GRID2: variants seen among roughly 807,000 people sequenced by gnomAD.
The protein encoded by GRID2 is glutamate ionotropic receptor delta type subunit 2, also known as glutamate receptor ionotropic, delta-2.
In GRID2, 33 loss-of-function variants were observed where a neutral mutation model predicts 114.8. The observed-to-expected ratio is 0.29, with a 90% CI of 0.22 to 0.38. The LOEUF (loss-of-function observed/expected upper bound fraction) is 0.38, where lower values mean the gene tolerates loss of function less well. Among genes scored for constraint, GRID2 ranks in the 10% least tolerant of loss-of-function variants. GRID2 has a pLI of 1.00. For missense variants in GRID2, 1,184 were observed against 1,257.7 expected (o/e 0.94, Z 0.89); for synonymous variants, 505 against 449.9 (o/e 1.12, Z -1.55).
chr4:93,681,688 C>T lies in GRID2; in HGVS notation c.2360+55253C>T, dbSNP rs1002175678. The stretch of plus-strand genomic sequence containing the variant: ...AAAACAACCAATGGGGAAAGGATTC[C>T]CTATTTAATAAGTGGTGCTGGGAAA... On this transcript the variant is annotated intron_variant, in intron 14 of 15. Transcript: ENST00000282020. 6.6e-5 allele frequency among the ~76,000 whole-genome samples: 10 copies of T among 152,138 alleles called. No homozygotes were observed. The East Asian group carries it at 9.6e-4, about 15-fold the overall frequency.
intron 9 of GRID2, among the ~76,000 whole-genome samples, chr4:93,403,794 C>A (rs1163341715): frequency 6.6e-6 from 1 of 152,002 alleles, no homozygotes; most frequent in Non-Finnish European, 1.5e-5. Flanking sequence ...TAAAATGGTA[C>A]GACTCCTTCA....
At chr4:93,725,230 G>A (rs182926264) in intron 14 of GRID2, among the ~76,000 whole-genome samples, 75 of 152,186 alleles carry the variant, frequency 4.9e-4, no homozygotes, top group Non-Finnish European at 8.2e-4. Context: ...GAGAACATGC[G>A]GTGTTTGGTT....
At chr4:92,757,513 T>A (rs1737782957) in intron 2 of GRID2, among the ~76,000 whole-genome samples, 2 of 152,094 alleles carry the variant, frequency 1.3e-5, no homozygotes, top group South Asian at 4.1e-4. Context: ...CAAGAAATCA[T>A]ATGTATGTAC....
At chr4:93,151,316 C>A (rs1318909436) in intron 4 of GRID2, among the ~76,000 whole-genome samples, 3 of 151,786 alleles carry the variant, frequency 2.0e-5, no homozygotes, top group Non-Finnish European at 4.4e-5. Flanking sequence ...ATCTCAAAAT[C>A]CCACATACTA....
chr4:92,649,305 G>GGCCCA (rs1283267870), intron 2 of GRID2, among the ~76,000 whole-genome samples: 2 of 149,690 alleles, frequency 1.3e-5, no homozygotes, highest in African/African-American at 4.9e-5. Flanking sequence ...AAGTTTGAAG[G>GGCCCA]CTTGAGAACC....
At chr4:92,952,355 C>A (rs1034981121) in intron 2 of GRID2, among the ~76,000 whole-genome samples, 3 of 152,080 alleles carry the variant, frequency 2.0e-5, no homozygotes, top group Admixed American at 2.0e-4. Context: ...CGTAGACGAC[C>A]TTTATTCATT....
At chr4:93,505,708 T>G (rs1578146050) in intron 12 of GRID2, among the ~76,000 whole-genome samples, 1 of 150,028 alleles carries the variant, frequency 6.7e-6, no homozygotes, top group Middle Eastern at 3.6e-3. Context: ...TATTATTAAA[T>G]ATTAATATAT....
intron 2 of GRID2, among the ~76,000 whole-genome samples, chr4:92,616,499 G>T (rs1730010526): frequency 6.6e-6 from 1 of 151,306 alleles, no homozygotes; most frequent in African/African-American, 2.4e-5. Context: ...TGAACTTATT[G>T]AATATATGAA....
At chr4:93,483,200 G>A (rs370636561) in intron 11 of GRID2, among the ~76,000 whole-genome samples, 13 of 151,820 alleles carry the variant, frequency 8.6e-5, no homozygotes, top group African/African-American at 3.1e-4. Context: ...TGTAAAACAC[G>A]CTAATATTTA....
rs1746490214 is a variant in GRID2 at position 93,234,197 on chromosome 4, G to A, written c.1126-4174G>A. On this transcript the variant is annotated intron_variant, in intron 7 of 15. Transcript: ENST00000282020. ...TTTAAAAACTGTCATCCATGCTCTC[G>A]GTATAGGCCTCTTGTCAATTCACCA... is the stretch of plus-strand genomic sequence containing the variant. Among the ~76,000 whole-genome samples, 2 of 151,846 alleles carry A rather than the reference G, an allele frequency of 1.3e-5. 1 individual carries two copies. The highest frequency in any genetic ancestry group is 2.9e-5 in the Non-Finnish European group (2 of 67,972).
chr4:93,098,385 C>T (rs1264455804), intron 3 of GRID2, among the ~76,000 whole-genome samples: 1 of 151,872 alleles, frequency 6.6e-6, no homozygotes, highest in Non-Finnish European at 1.5e-5. Flanking sequence ...GCAGTCGTTC[C>T]AGGCAGACTC....
At chr4:93,140,821 C>T (rs1385188931) in intron 4 of GRID2, among the ~76,000 whole-genome samples, 2 of 152,158 alleles carry the variant, frequency 1.3e-5, no homozygotes, top group Non-Finnish European at 2.9e-5. Context: ...TCCCAGAATA[C>T]ATAAAACTTA....
Position 92,835,192 on chromosome 4 carries a change from A to T in GRID2, c.244+244906A>T, listed in dbSNP as rs552065621. On this transcript the variant is annotated intron_variant, in intron 2 of 15. Coordinates refer to ENST00000282020, the MANE Select transcript of GRID2 (RefSeq NM_001510.4). ...AATACAACAAGCAGCTGAAAGAGGT[A>T]AAAAAAAAAAAGGTAACAAATGAAG... 0.012 allele frequency among the ~76,000 whole-genome samples: 63 copies of T among 5,326 alleles called. No individual in the cohort carries two copies. In the South Asian group the frequency reaches 0.12, roughly 11 times the overall value. The allele number at this position is 5,326 out of a possible 152,430, so 3.5% of individuals were successfully genotyped here. A position where few individuals can be genotyped will look rare whatever the true frequency, so the allele number is the denominator to read the frequency against.
chr4:92,366,169 C>T (rs747863684), intron 1 of GRID2, among the ~76,000 whole-genome samples: 18 of 151,978 alleles, frequency 1.2e-4, no homozygotes, highest in Non-Finnish European at 1.6e-4. Flanking sequence ...GATGAAGAAA[C>T]AGGCTCAGAA....
At chr4:93,062,005 C>T (rs1727852376) in intron 2 of GRID2, among the ~76,000 whole-genome samples, 1 of 152,110 alleles carries the variant, frequency 6.6e-6, no homozygotes, top group Admixed American at 6.6e-5. Context: ...TCCTGTGGCT[C>T]AGCTAGGTAA....
chr4:92,709,589 A>AAATATATATAT (rs779775767), intron 2 of GRID2, among the ~76,000 whole-genome samples: 132 of 114,622 alleles, frequency 1.2e-3, no homozygotes, highest in East Asian at 2.9e-3. Context: ...AAAAAAAAAA[A>AAATATATATAT]ATATATATAT....
chr4:93,620,567 C>T (rs913875860), intron 13 of GRID2, among the ~76,000 whole-genome samples: 14 of 152,232 alleles, frequency 9.2e-5, no homozygotes, highest in African/African-American at 3.4e-4. Flanking sequence ...GCATACAGGA[C>T]ACAAGTAATC....
At chr4:92,860,108 T>TC (rs1744432729) in intron 2 of GRID2, among the ~76,000 whole-genome samples, 1 of 152,144 alleles carries the variant, frequency 6.6e-6, no homozygotes. Context: ...TCTTTTTTTT[T>TC]CTGGACTAAG....
At chr4:92,396,992 G>A in intron 1 of GRID2, among the ~76,000 whole-genome samples, 1 of 152,044 alleles carries the variant, frequency 6.6e-6, no homozygotes. Context: ...TATTAGTCAT[G>A]AGAATGAATC....
Sources: allele counts gnomAD v4.1 joint callset (sites outside exome capture counted in the v4.1 genomes callset), GRCh38; gene constraint gnomAD v4.1.1; transcripts MANE v1.5; gene names NCBI Gene and HGNC (gene_info 2026-07-23, HGNC 2026-07-21).